Variants in LACC1 observed in about 807,000 individuals in gnomAD.
LACC1 encodes purine nucleoside phosphorylase LACC1.
A neutral mutation model predicts 34.8 loss-of-function variants in LACC1; 25 were observed. That is an observed-to-expected ratio of 0.72 (90% CI 0.52 to 1.00). LACC1 has a LOEUF of 1.00. LACC1 is among the 50% of genes least tolerant of loss of function. The pLI is 0.00. For missense variants in LACC1, 426 were observed against 511.2 expected, an observed-to-expected ratio of 0.83 and a Z score of 1.61; for synonymous variants, 162 against 168.0, an observed-to-expected ratio of 0.96 and a Z score of 0.28.
intron 3 of LACC1, 21 bp from the exon 4 acceptor site, chr13:43,883,750 G>C: frequency 6.4e-7 from 1 of 1,569,674 alleles, no homozygotes; most frequent in East Asian, 2.2e-5. Context: ...AAACATTTTT[G>C]TTGCACATTT....
intron 2 of LACC1, 108 bp downstream of exon 2, chr13:43,881,655 G>T: frequency 1.2e-6 from 1 of 822,556 alleles, no homozygotes. Context: ...ACTGTTGTGG[G>T]CTGATTACTC....
rs778715089 is a variant in LACC1, at chr13:43,881,127, A to G, written c.142A>G (p.Ser48Gly). The change falls in exon 2 of 7, where the codon AGT becomes GGT. Residue 48 changes from serine (S) to glycine (G), a missense_variant. Around this residue, in one of 2 missense-constraint regions of LACC1, gnomAD observed 217 missense variants for 210.9 expected, o/e 1.03. Transcript: ENST00000325686. ...CAAGTTTCTCTGTATAATGTGTTGC[A>G]GTAACATCAGCTATGAAAGGGATGG... ...KAKFLCIMCC[S>G]NISYERDGEQ... is the part of the protein sequence containing the mutation. 7 of 1,614,092 alleles carry G rather than the reference A, an allele frequency of 4.3e-6. No individual in the cohort carries two copies. Among genetic ancestry groups the G allele is most frequent in the Non-Finnish European group, 5.9e-6 (7 of 1,180,032 alleles).
intron 2 of LACC1, 113 bp from the exon 3 acceptor site, chr13:43,882,072 T>C: frequency 4.1e-6 from 3 of 740,666 alleles, no homozygotes; most frequent in Non-Finnish European, 6.5e-6. Context: ...CAAAATGCCA[T>C]AGAAATTAGA....
upstream of LACC1, chr13:43,879,858 C>A (rs915879298): frequency 6.7e-6 from 1 of 148,328 alleles, no homozygotes; most frequent in Non-Finnish European, 1.5e-5. Flanking sequence ...GGTGTCGTCG[C>A]GCTGGGCCGA....
intron 3 of LACC1, among the ~76,000 whole-genome samples, chr13:43,882,792 A>G (rs922496405): frequency 4.6e-5 from 7 of 152,238 alleles, no homozygotes; most frequent in Non-Finnish European, 4.4e-5. Flanking sequence ...AAACATTGAA[A>G]TAAATGTGAG....
rs56292789 is a variant in LACC1 at position 43,882,564 on chromosome 13, G to GATATATATATATATAT, written c.741+208_741+223dup. ...TTATACACACACACACACACGTGCA[G>GATATATATATATATAT]ATATATATATATATATATATATGCA... On this transcript the variant is annotated intron_variant, in intron 3 of 6. Transcript: ENST00000325686. Among the ~76,000 whole-genome samples, 1,079 of 139,074 alleles carry GATATATATATATATAT rather than the reference G, an allele frequency of 7.8e-3. 9 individuals carry two copies. The highest frequency in any genetic ancestry group is 0.028 in the East Asian group (126 of 4,562). 91.2% of individuals were successfully genotyped at this position (139,074 alleles called of 152,430 possible).
intron 5 of LACC1, 158 bp from the exon 6 acceptor site, chr13:43,889,956 C>T: frequency 1.0e-5 from 6 of 581,212 alleles, no homozygotes; most frequent in South Asian, 2.7e-5. Flanking sequence ...ATTTTTTTCC[C>T]TGACTAGTCC....
intron 5 of LACC1, 91 bp downstream of exon 5, chr13:43,889,073 A>G (rs570597025): frequency 3.7e-5 from 37 of 1,013,682 alleles, no homozygotes; most frequent in Admixed American, 2.0e-4. Flanking sequence ...AACTCTAAGA[A>G]GAATTTAGGT....
At position 43,892,977 on chromosome 13, in the gene LACC1, A is replaced by G. The variant is rs932069186; in HGVS notation, c.*1530A>G. On this transcript the variant is annotated 3_prime_UTR_variant, in exon 7 of 7. Transcript: ENST00000325686. ...ACTCTTTTCTGACAGCATTTACTAG[A>G]GAAGAGAAAAAGCTGGGGACTACAT... 2.6e-5 allele frequency: 4 copies of G among 152,240 alleles called. No individual in the cohort carries two copies. Among genetic ancestry groups the G allele is most frequent in the African/African-American group, 4.8e-5 (2 of 41,446 alleles). The allele number at this position is 152,240 out of a possible 1,614,324, so 9.4% of individuals were successfully genotyped here. A position where few individuals can be genotyped will look rare whatever the true frequency, so the allele number is the denominator to read the frequency against.
chr13:43,881,242 C>T lies in LACC1; in HGVS notation c.257C>T (p.Ala86Val). 6.2e-7 allele frequency: 1 copy of T among 1,614,166 alleles called. No individual in the cohort carries two copies. The highest frequency in any genetic ancestry group is 2.2e-5 in the East Asian group (1 of 44,876). Residue 86 changes from alanine (A) to valine (V), a missense_variant, in exon 2 of 7, where the codon GCC becomes GTC. Ala to Val is a moderately conservative substitution (Grantham distance 64, BLOSUM62 0). Coordinates refer to ENST00000325686, the MANE Select transcript of LACC1 (RefSeq NM_153218.4). ...ATTGTTAGCTGTCCCAGCATGGCTG[C>T]CACTTTGTATACCATTAAACAGAAA... is the stretch of plus-strand genomic sequence containing the variant. ...FEIVSCPSMA[A>V]TLYTIKQKID...
intron 4 of LACC1, among the ~76,000 whole-genome samples, chr13:43,887,495 T>C (rs1286682843): frequency 6.6e-6 from 1 of 152,196 alleles, no homozygotes; most frequent in Non-Finnish European, 1.5e-5. Flanking sequence ...GTAAAGAAGA[T>C]GGTTTTATCT....
intron 4 of LACC1, 33 bp from the exon 5 acceptor site, chr13:43,888,724 C>A: frequency 6.5e-7 from 1 of 1,543,826 alleles, no homozygotes; most frequent in Non-Finnish European, 8.9e-7. Context: ...TATGTTTTGA[C>A]TTCTCTTATC....
chr13:43,880,349 G>A (rs1040419559), intron 1 of LACC1, among the ~76,000 whole-genome samples: 5 of 152,150 alleles, frequency 3.3e-5, no homozygotes, highest in African/African-American at 1.2e-4. Context: ...GGGCTGGGCT[G>A]GAGGTGAGCA....
chr13:43,881,724 A>C (rs1199040883), intron 2 of LACC1, among the ~76,000 whole-genome samples, 177 bp downstream of exon 2: 1 of 152,210 alleles, frequency 6.6e-6, no homozygotes, highest in Non-Finnish European at 1.5e-5. Flanking sequence ...CAGGGGTGTC[A>C]AGGGATAAAG....
In LACC1 at chr13:43,892,040, GA is replaced by G. The variant is rs78144890; in HGVS notation, c.*596del. 0.14 allele frequency: 20,828 copies of G among 152,010 alleles called. 1,666 individuals carry two copies. Among genetic ancestry groups the G allele is most frequent in the African/African-American group, 0.22 (9,032 of 41,428 alleles). 9.4% of individuals were successfully genotyped at this position (152,010 alleles called of 1,614,324 possible). Reference sequence around the variant, plus strand: ...ACACCATGAACCAGGGCATGAAACTGAAAGTGCATAACATATTCTAGAGAGA... The same window carrying G: ...ACACCATGAACCAGGGCATGAAACTGAAGTGCATAACATATTCTAGAGAGA... On this transcript the variant is annotated 3_prime_UTR_variant, in exon 7 of 7. Transcript: ENST00000325686.
upstream of LACC1, chr13:43,879,800 A>AGGCGGGGCGAGGCGAGGCGAGGCGG (rs1241680078): frequency 1.3e-5 from 1 of 77,806 alleles, no homozygotes. Flanking sequence ...AGGCGGGGCG[A>AGGCGGGGCGAGGCGAGGCGAGGCGG]GGCGAGGCGG....
chr13:43,889,549 T>C (rs1284176336), intron 5 of LACC1, among the ~76,000 whole-genome samples: 1 of 152,228 alleles, frequency 6.6e-6, no homozygotes, highest in Non-Finnish European at 1.5e-5. Context: ...AAATCATGTT[T>C]CTATTCCAGT....
Position 43,888,845 on chromosome 13 carries a change from T to C in LACC1, c.996T>C (p.Val332=). 6.2e-7 allele frequency: 1 copy of C among 1,613,946 alleles called. No individual in the cohort carries two copies. The highest frequency in any genetic ancestry group is 8.5e-7 in the Non-Finnish European group (1 of 1,179,854). ...GCTGCAGTTTGGAAGACATTGTTGT[T>C]GTACTTGGACCTTCAGTAGGACCTT... The part of the protein sequence containing the change: ...EYGCSLEDIV[V]VLGPSVGPCC... The change falls in exon 5 of 7, where the codon GTT becomes GTC. Residue 332 remains valine (V), a synonymous_variant. Transcript: ENST00000325686.
chr13:43,885,463 A>G (rs1195089790), intron 4 of LACC1, among the ~76,000 whole-genome samples: 5 of 152,094 alleles, frequency 3.3e-5, no homozygotes, highest in East Asian at 1.9e-4. Flanking sequence ...CACACCTACA[A>G]CCATCTGATC....
Sources: allele counts gnomAD v4.1 joint callset (sites outside exome capture counted in the v4.1 genomes callset), GRCh38; gene constraint gnomAD v4.1.1; regional missense constraint gnomAD v4.1.1; transcripts MANE v1.5; gene names NCBI Gene and HGNC (gene_info 2026-07-23, HGNC 2026-07-21).